Variants in TLN2 observed in about 807,000 individuals in gnomAD.
The protein encoded by TLN2 is talin 2.
In TLN2, 118 loss-of-function variants were observed where a neutral mutation model predicts 294.7. The observed-to-expected ratio is 0.40, with a 90% CI of 0.34 to 0.47. The LOEUF is 0.47. Among genes scored for constraint, TLN2 ranks in the 20% least tolerant of loss-of-function variants. The pLI, the probability that TLN2 is intolerant of heterozygous loss-of-function variation, is 0.84. For missense variants in TLN2, 3,083 were observed against 3,282.2 expected (o/e 0.94, Z 1.48); for synonymous variants, 1,431 against 1,304.5 (o/e 1.10, Z -2.09).
chr15:62,754,191 G>A (rs1567532371), intron 36 of TLN2: 7 of 315,018 alleles, frequency 2.2e-5, no homozygotes, highest in Middle Eastern at 8.2e-4. Flanking sequence ...TCATTTCAGG[G>A]GACGTGAATT....
chr15:62,802,588 A>G (rs971964280), intron 50 of TLN2, among the ~76,000 whole-genome samples: 1 of 152,218 alleles, frequency 6.6e-6, no homozygotes, highest in African/African-American at 2.4e-5. Context: ...TTGGGTGTAT[A>G]CCTAGGAGTA....
intron 51 of TLN2, 32 bp from the exon 52 acceptor site, chr15:62,809,893 G>T: frequency 6.2e-7 from 1 of 1,605,826 alleles, no homozygotes; most frequent in Non-Finnish European, 8.5e-7. Flanking sequence ...CTTTTCCCAT[G>T]TTAAGATTTC....
chr15:62,754,105 G>C (rs1595885206), intron 36 of TLN2, 189 bp downstream of exon 36: 1 of 796,866 alleles, frequency 1.3e-6, no homozygotes, highest in East Asian at 3.3e-5. Flanking sequence ...CTGGAAATTT[G>C]TAAGTGCCTT....
chr15:62,419,905 G>A (rs548076368), intron 1 of TLN2, among the ~76,000 whole-genome samples: 3 of 152,282 alleles, frequency 2.0e-5, no homozygotes, highest in South Asian at 4.1e-4. Flanking sequence ...GATTACAGGC[G>A]TGAGCCACAG....
intron 1 of TLN2, among the ~76,000 whole-genome samples, chr15:62,536,341 T>C (rs1394626765): frequency 6.6e-6 from 1 of 152,136 alleles, no homozygotes; most frequent in African/African-American, 2.4e-5. Context: ...AGGTTAGAGG[T>C]CACAGGTCAC....
chr15:62,543,940 G>C (rs528317316), intron 1 of TLN2, among the ~76,000 whole-genome samples: 2 of 152,258 alleles, frequency 1.3e-5, no homozygotes, highest in South Asian at 4.2e-4. Flanking sequence ...ACCCAGGATA[G>C]GGCCTTGGGC....
chr15:62,649,824 C>T (rs1379555929), intron 4 of TLN2, among the ~76,000 whole-genome samples: 1 of 152,198 alleles, frequency 6.6e-6, no homozygotes, highest in African/African-American at 2.4e-5. Flanking sequence ...TCTAAATTTT[C>T]CTACATTTTA....
intron 36 of TLN2, chr15:62,754,880 G>C (rs988377536): frequency 1.3e-5 from 2 of 152,226 alleles, no homozygotes; most frequent in Admixed American, 1.3e-4. Context: ...CCATGGATGA[G>C]GAGGGAGCTG....
At chr15:62,503,580 A>T (rs1167746688) in intron 1 of TLN2, among the ~76,000 whole-genome samples, 2 of 152,152 alleles carry the variant, frequency 1.3e-5, no homozygotes, top group Non-Finnish European at 2.9e-5. Context: ...TTGCTCTTTA[A>T]CCTGTCTCTT....
chr15:62,673,198 G>A (rs2055665195), intron 9 of TLN2, among the ~76,000 whole-genome samples: 1 of 151,326 alleles, frequency 6.6e-6, no homozygotes, highest in Non-Finnish European at 1.5e-5. Flanking sequence ...TATCTTACAA[G>A]GGATACACAG....
intron 1 of TLN2, among the ~76,000 whole-genome samples, chr15:62,472,263 C>T (rs1483356307): frequency 1.3e-5 from 2 of 152,142 alleles, no homozygotes; most frequent in Admixed American, 6.5e-5. Flanking sequence ...CTTTCTTCCC[C>T]CAAACCCAGA....
At chr15:62,799,969 G>A (rs1401127217) in intron 48 of TLN2, among the ~76,000 whole-genome samples, 1 of 152,248 alleles carries the variant, frequency 6.6e-6, no homozygotes, top group Admixed American at 6.5e-5. Context: ...AGGCAGGGCT[G>A]TTGTGGGGCC....
At chr15:62,586,776 T>A (rs571661950) in intron 1 of TLN2, among the ~76,000 whole-genome samples, 72 of 152,362 alleles carry the variant, frequency 4.7e-4, no homozygotes, top group African/African-American at 1.5e-3. Context: ...CTTCAGAAAA[T>A]CTCTTCATCA....
At chr15:62,457,254 G>A (rs886496541) in intron 1 of TLN2, among the ~76,000 whole-genome samples, 10 of 152,306 alleles carry the variant, frequency 6.6e-5, no homozygotes, top group South Asian at 2.1e-4. Flanking sequence ...ATGACAGAGC[G>A]AGAGAGGGAG....
chr15:62,629,610 A>G (rs915251621), intron 3 of TLN2, among the ~76,000 whole-genome samples: 10 of 152,234 alleles, frequency 6.6e-5, no homozygotes, highest in African/African-American at 2.4e-4. Context: ...GTAGGGCCGT[A>G]TAAGGCTAAG....
chr15:62,724,905 T>G (rs2060352595), intron 26 of TLN2, 71 bp from the exon 27 acceptor site: 15 of 1,535,252 alleles, frequency 9.8e-6, no homozygotes, highest in Non-Finnish European at 9.7e-6. Flanking sequence ...GGGCATTTTA[T>G]AAGTTGCAAA....
At chr15:62,488,019 A>G (rs920975618) in intron 1 of TLN2, among the ~76,000 whole-genome samples, 7 of 152,160 alleles carry the variant, frequency 4.6e-5, no homozygotes. Context: ...GAGAGGCTGT[A>G]GTGAGCTGTG....
intron 32 of TLN2, 33 bp downstream of exon 32, chr15:62,740,802 G>A (rs752466696): frequency 1.2e-6 from 2 of 1,612,542 alleles, no homozygotes; most frequent in African/African-American, 1.3e-5. Flanking sequence ...TTTCGTGTGT[G>A]GTTAGACAGT....
intron 1 of TLN2, among the ~76,000 whole-genome samples, chr15:62,515,750 G>A (rs951784858): frequency 2.0e-5 from 3 of 150,962 alleles, no homozygotes; most frequent in Non-Finnish European, 4.4e-5. Flanking sequence ...TTTTTCAGAC[G>A]TGTGTTTTTA....
Sources: allele counts gnomAD v4.1 joint callset (sites outside exome capture counted in the v4.1 genomes callset), GRCh38; gene constraint gnomAD v4.1.1; transcripts MANE v1.5; gene names NCBI Gene and HGNC (gene_info 2026-07-23, HGNC 2026-07-21).